Variants in NFATC2 observed in about 807,000 individuals in gnomAD.
NFATC2 encodes the protein nuclear factor of activated T cells 2.
A neutral mutation model predicts 87.3 loss-of-function variants in NFATC2; 22 were observed. The observed-to-expected ratio is 0.25, with a 90% CI of 0.18 to 0.36. The LOEUF (loss-of-function observed/expected upper bound fraction) is 0.36. Among genes scored for constraint, NFATC2 ranks in the 10% least tolerant of loss-of-function variants. The pLI is 1.00. For synonymous variants in NFATC2, 565 were observed against 542.2 expected (o/e 1.04, Z -0.58); for missense variants, 1,149 against 1,259.1 (o/e 0.91, Z 1.32).
At chr20:51,394,112 G>C (rs374318748) in intron 10 of NFATC2, among the ~76,000 whole-genome samples, 32 of 152,154 alleles carry the variant, frequency 2.1e-4, no homozygotes, top group African/African-American at 7.7e-4. Context: ...TTCAACTGCC[G>C]CCCAAACCTC....
chr20:51,396,480 A>C (rs546817361), intron 10 of NFATC2, among the ~76,000 whole-genome samples: 1 of 152,298 alleles, frequency 6.6e-6, no homozygotes, highest in East Asian at 1.9e-4. Flanking sequence ...GAAAGCAGCA[A>C]CAGGAAGGAA....
chr20:51,404,943 C>G (rs932131012), intron 9 of NFATC2, among the ~76,000 whole-genome samples: 1 of 152,188 alleles, frequency 6.6e-6, no homozygotes, highest in East Asian at 1.9e-4. Context: ...TTGGGGCTTA[C>G]GAGAAAGATG....
At chr20:51,472,629 C>CTTTTTTTTT (rs1223762055) in intron 5 of NFATC2, among the ~76,000 whole-genome samples, 26 of 92,728 alleles carry the variant, frequency 2.8e-4, no homozygotes, top group South Asian at 3.9e-4. Flanking sequence ...CTTCTTTCTT[C>CTTTTTTTTT]TTTTTTTTTT....
In NFATC2 at chr20:51,391,455, CAAAAG is replaced by C. The variant is rs763965638; in HGVS notation, c.*45-9_*45-5del. 2.1e-5 allele frequency: 16 copies of C among 763,296 alleles called. No individual in the cohort carries two copies. The highest frequency in any genetic ancestry group is 5.8e-5 in the South Asian group (4 of 68,554). 47.3% of individuals were successfully genotyped at this position (763,296 alleles called of 1,614,324 possible). On this transcript the variant is annotated splice_polypyrimidine_tract_variant and splice_region_variant and intron_variant, in intron 10 of 10. Coordinates refer to ENST00000371564, the MANE Select transcript of NFATC2 (RefSeq NM_012340.5). ...TCCTTCCTGATAATTTCATTAACTACAAAAGAAAAGAGGAGGGGGGGGGAGAGAGA... is the reference window on the plus strand; with the variant it reads ...TCCTTCCTGATAATTTCATTAACTACAAAAGAGGAGGGGGGGGGAGAGAGA...
chr20:51,553,577 A>G (rs1210805789), intron 1 of NFATC2, among the ~76,000 whole-genome samples: 1 of 150,166 alleles, frequency 6.7e-6, no homozygotes, highest in Non-Finnish European at 1.5e-5. Flanking sequence ...CGGGAGGCTG[A>G]GGCAGGAGAA....
chr20:51,508,999 A>T (rs2076230500), intron 3 of NFATC2, among the ~76,000 whole-genome samples: 1 of 151,812 alleles, frequency 6.6e-6, no homozygotes. Context: ...CTAACTAAAC[A>T]TGTGCGAGGC....
chr20:51,543,544 G>A (rs542412032), upstream of NFATC2, among the ~76,000 whole-genome samples: 2 of 152,336 alleles, frequency 1.3e-5, no homozygotes, highest in East Asian at 3.9e-4. Flanking sequence ...CACAGAGCCA[G>A]AGCTCGAAGG....
chr20:51,389,728 A>T lies in NFATC2; in HGVS notation c.*1768T>A, dbSNP rs532042026. 6 of 152,226 alleles carry T rather than the reference A, an allele frequency of 3.9e-5. No homozygotes were observed. In the East Asian group the frequency reaches 1.2e-3, roughly 29 times the overall value. The allele number at this position is 152,226 out of a possible 1,614,324, so 9.4% of individuals were successfully genotyped here. ...TCTGAGCATTTTGCCTTCTATCTGG[A>T]GTGCCAAACACACCTGGCCCCACTC... is the stretch of plus-strand genomic sequence containing the variant. On this transcript the variant is annotated 3_prime_UTR_variant, in exon 11 of 11. Coordinates refer to ENST00000371564, the MANE Select transcript of NFATC2 (RefSeq NM_012340.5).
At chr20:51,543,227 C>A (rs145763300), upstream of NFATC2, among the ~76,000 whole-genome samples, 1 of 152,172 alleles carries the variant, frequency 6.6e-6, no homozygotes, top group Non-Finnish European at 1.5e-5. Flanking sequence ...AGCACTAGTC[C>A]CCCCCGTTAC....
Position 51,432,056 on chromosome 20 carries a change from A to T in NFATC2, c.2722+11T>A, listed in dbSNP as rs756838012. On this transcript the variant is annotated intron_variant, in intron 9 of 10. Transcript: ENST00000371564. This position sits in a 1 kb window ranked among gnomAD's most constrained non-coding sequence, Gnocchi z 4.6. ...ATCCTTACAGGCAGTGACAAAACTCAAGCGTCTTACCATCATCCAAGTAGG... is the reference window on the plus strand; with the variant it reads ...ATCCTTACAGGCAGTGACAAAACTCTAGCGTCTTACCATCATCCAAGTAGG... The T allele has an allele frequency of 1.2e-5, 18 of 1,512,270 alleles. No individual in the cohort carries two copies. The African/African-American group carries it at 2.0e-4, about 16-fold the overall frequency. The allele number at this position is 1,512,270 out of a possible 1,614,324, so 93.7% of individuals were successfully genotyped here. A position where few individuals can be genotyped will look rare whatever the true frequency, so the allele number is the denominator to read the frequency against.
intron 1 of NFATC2, among the ~76,000 whole-genome samples, chr20:51,549,932 A>C (rs564368826): frequency 6.6e-6 from 1 of 152,198 alleles, no homozygotes; most frequent in Non-Finnish European, 1.5e-5. Flanking sequence ...ATGCATTTTC[A>C]TTTCGCACAA....
chr20:51,529,550 G>T (rs985517356), intron 1 of NFATC2, among the ~76,000 whole-genome samples: 1 of 152,158 alleles, frequency 6.6e-6, no homozygotes, highest in Non-Finnish European at 1.5e-5. Flanking sequence ...CAACTGCCAC[G>T]CTCACAGGCG....
rs997908674 is a variant in NFATC2, at chr20:51,480,855, G to A, written c.1333-5195C>T. Among the ~76,000 whole-genome samples, 5 of 152,170 alleles carry A rather than the reference G, an allele frequency of 3.3e-5. No individual in the cohort carries two copies. The highest frequency in any genetic ancestry group is 5.9e-5 in the Non-Finnish European group (4 of 68,026). ...TTGTCATCGGAGGATGACGCAAATC[G>A]AAACAGGGAGGTGATATTACAGAAC... On this transcript the variant is annotated intron_variant, in intron 3 of 10. Coordinates refer to ENST00000371564, the MANE Select transcript of NFATC2 (RefSeq NM_012340.5). The surrounding 1 kb of genome is among the most constrained non-coding windows in gnomAD (Gnocchi z 4.2).
intron 3 of NFATC2, among the ~76,000 whole-genome samples, chr20:51,492,228 C>T (rs544856832): frequency 1.3e-5 from 2 of 152,094 alleles, no homozygotes; most frequent in East Asian, 3.9e-4. Flanking sequence ...CTGCCAGGGC[C>T]TCAGAGTGAA....
In NFATC2 at chr20:51,410,292, G is replaced by T. The variant is rs555839876; in HGVS notation, c.2723-11562C>A. Among the ~76,000 whole-genome samples, 60 of 148,926 alleles carry T rather than the reference G, an allele frequency of 4.0e-4. 1 individual carries two copies. The South Asian group carries it at 0.012, about 30-fold the overall frequency. ...GAACACTGAGTTTGATAATATTAAA[G>T]AATTCTTCATTTTTAGGTGTGATAA... On this transcript the variant is annotated intron_variant, in intron 9 of 10. Coordinates refer to ENST00000371564, the MANE Select transcript of NFATC2 (RefSeq NM_012340.5).
intron 1 of NFATC2, among the ~76,000 whole-genome samples, chr20:51,531,385 T>C (rs1477250625): frequency 6.6e-6 from 1 of 152,242 alleles, no homozygotes; most frequent in East Asian, 1.9e-4. Flanking sequence ...TTCTCATTCT[T>C]ATCACCCCTC....
chr20:51,414,618 G>A (rs1404589247), intron 9 of NFATC2, among the ~76,000 whole-genome samples: 1 of 152,126 alleles, frequency 6.6e-6, no homozygotes, highest in African/African-American at 2.4e-5. Flanking sequence ...GAACCCAGGA[G>A]GCAGAGGTTG....
At chr20:51,417,883 C>A (rs1385744703) in intron 9 of NFATC2, among the ~76,000 whole-genome samples, 1 of 152,240 alleles carries the variant, frequency 6.6e-6, no homozygotes, top group Non-Finnish European at 1.5e-5. Flanking sequence ...AGGCAGCCAG[C>A]CTGCCAGCTG....
Position 51,562,492 on chromosome 20 carries a change from A to C in NFATC2, c.70+68T>G. 2 of 1,363,140 alleles carry C rather than the reference A, an allele frequency of 1.5e-6. No individual in the cohort carries two copies. The highest frequency in any genetic ancestry group is 2.0e-6 in the Non-Finnish European group (2 of 982,664). The allele number at this position is 1,363,140 out of a possible 1,614,324, so 84.4% of individuals were successfully genotyped here. Reference sequence around the variant, plus strand: ...CCGGGAGCTGAAAGTGCTGCCCGGGACGGGAGCAGCAGGAAAGGGCCGGGA... The same window carrying C: ...CCGGGAGCTGAAAGTGCTGCCCGGGCCGGGAGCAGCAGGAAAGGGCCGGGA... On this transcript the variant is annotated intron_variant, in intron 1 of 10. Transcript: ENST00000414705. The surrounding 1 kb of genome is among the most constrained non-coding windows in gnomAD (Gnocchi z 5.8).
Sources: gnomAD v4.1 joint callset for allele counts (sites outside exome capture counted in the v4.1 genomes callset) on GRCh38, gnomAD v4.1.1 for gene constraint, Gnocchi (gnomAD v3.1) non-coding constraint, MANE v1.5 for transcripts, NCBI Gene and HGNC (gene_info 2026-07-23, HGNC 2026-07-21) for gene names.